The following VPS13A variants were observed in gnomAD, a reference collection of about 807,000 sequenced individuals.
VPS13A encodes the protein intermembrane lipid transfer protein VPS13A.
VPS13A carries 264 observed loss-of-function variants against 390.9 expected under a neutral mutation model. The ratio of observed to expected loss-of-function variants is 0.68; its 90% CI spans 0.61 to 0.75. The LOEUF is 0.75. Ranked by LOEUF, VPS13A falls within the 30% of genes least tolerant of loss-of-function variation. The pLI, the probability that VPS13A is intolerant of heterozygous loss-of-function variation, is 0.00. For synonymous variants in VPS13A, 1,231 were observed against 1,227.1 expected, an observed-to-expected ratio of 1.00 and a Z score of -0.07; for missense variants, 3,409 against 3,733.9, an observed-to-expected ratio of 0.91 and a Z score of 2.27.
intron 52 of VPS13A, among the ~76,000 whole-genome samples, chr9:77,348,682 G>T (rs546996484): frequency 6.6e-6 from 1 of 151,102 alleles, no homozygotes; most frequent in Non-Finnish European, 1.5e-5. Flanking sequence ...CTTAATCTAT[G>T]TACCCCAGTT....
chr9:77,361,764 C>A lies in VPS13A; in HGVS notation c.8211+1123C>A, dbSNP rs566981261. 3.3e-5 allele frequency among the ~76,000 whole-genome samples: 5 copies of A among 152,118 alleles called. No homozygotes were observed. The East Asian group carries it at 9.7e-4, about 29-fold the overall frequency. On this transcript the variant is annotated intron_variant, in intron 59 of 71. Transcript: ENST00000360280. ...TGCCTCCACCATTTTACATTCTTAC[C>A]AGAGCATATGAGGGCTCTGATTTTT...
In VPS13A at chr9:77,407,697, T is replaced by A; in HGVS notation, c.9474+90T>A. ...TTTTTTAATGCAGATAAGTTTTGTT[T>A]GGGGGTTTTTGTTTGTTTGTTTTGC... On this transcript the variant is annotated intron_variant, in intron 71 of 71. Coordinates refer to ENST00000360280, the MANE Select transcript of VPS13A (RefSeq NM_033305.3). The A allele has an allele frequency of 7.7e-6, 8 of 1,036,022 alleles. No homozygotes were observed. The South Asian group carries it at 9.8e-5, about 13-fold the overall frequency. 64.2% of individuals were successfully genotyped at this position (1,036,022 alleles called of 1,614,324 possible). A position where few individuals can be genotyped will look rare whatever the true frequency, so the allele number is the denominator to read the frequency against.
intron 67 of VPS13A, among the ~76,000 whole-genome samples, chr9:77,377,363 G>A (rs1208517151): frequency 3.3e-5 from 5 of 151,666 alleles, no homozygotes; most frequent in African/African-American, 7.3e-5. Context: ...GGGACTACAG[G>A]CGCCCGCCAC....
rs1823706926 is a variant in VPS13A at position 77,177,575 on chromosome 9, C to T, written c.-130C>T. The stretch of plus-strand genomic sequence containing the variant: ...GGGCTCGCTAGGGCTGCGCGTTGGG[C>T]CAGCGGGGGCGCCGCAGCTGAAGCC... On this transcript the variant is annotated 5_prime_UTR_variant, in exon 1 of 72. Coordinates refer to ENST00000360280, the MANE Select transcript of VPS13A (RefSeq NM_033305.3). The T allele has an allele frequency of 4.3e-5, 35 of 812,100 alleles. No homozygotes were observed. The South Asian group carries it at 5.1e-4, about 12-fold the overall frequency. 50.3% of individuals were successfully genotyped at this position (812,100 alleles called of 1,614,324 possible).
chr9:77,331,632 C>A (rs1830280063), intron 45 of VPS13A, among the ~76,000 whole-genome samples: 1 of 151,776 alleles, frequency 6.6e-6, no homozygotes, highest in Non-Finnish European at 1.5e-5. Context: ...TATTTCCCAG[C>A]CTGTAGATTG....
Position 77,198,763 on chromosome 9 carries a change from A to C in VPS13A, c.101-1182A>C, listed in dbSNP as rs549776586. Among the ~76,000 whole-genome samples, 18 of 152,098 alleles carry C rather than the reference A, an allele frequency of 1.2e-4. No individual in the cohort carries two copies. The South Asian group carries it at 3.5e-3, about 30-fold the overall frequency. Reference sequence around the variant, plus strand: ...ACTGCAACCTCCGCCTCCTGGGTTCAAGCAATTCTCCTGCCTTAGTCTCCC... The same window carrying C: ...ACTGCAACCTCCGCCTCCTGGGTTCCAGCAATTCTCCTGCCTTAGTCTCCC... On this transcript the variant is annotated intron_variant, in intron 1 of 71. Coordinates refer to ENST00000360280, the MANE Select transcript of VPS13A (RefSeq NM_033305.3).
chr9:77,209,450 CTT>C lies in VPS13A; in HGVS notation c.416_417del (p.Phe139CysfsTer24). 6.2e-7 allele frequency: 1 copy of C among 1,612,636 alleles called. No individual in the cohort carries two copies. The highest frequency in any genetic ancestry group is 8.5e-7 in the Non-Finnish European group (1 of 1,179,210). On this transcript the variant is annotated frameshift_variant, in exon 6 of 72. Coordinates refer to ENST00000360280, the MANE Select transcript of VPS13A (RefSeq NM_033305.3). LOFTEE classifies it high-confidence loss of function. ...CAACATCTGCCGGAAAAACAGGACACTTTTGCAGAAAAATTAGTTACACAGAT... is the reference window on the plus strand; with the variant it reads ...CAACATCTGCCGGAAAAACAGGACACTTGCAGAAAAATTAGTTACACAGAT...
rs1829760477 is a variant in VPS13A at position 77,321,737 on chromosome 9, A to T, written c.5821A>T (p.Ile1941Phe). ...MTSLSSKLFF[I>F]LLTPVNHSTA... ...CAGCCTAAGCAGCAAACTCTTCTTC[A>T]TTCTTCTTAGTAAGTAGTTGAAAAA... is the stretch of plus-strand genomic sequence containing the variant. Residue 1941 changes from isoleucine to phenylalanine, a missense_variant, in exon 44 of 72, where the codon ATT becomes TTT. Transcript: ENST00000360280. The T allele has an allele frequency of 6.2e-7, 1 of 1,613,114 alleles. No homozygotes were observed.
At chr9:77,305,520 G>A (rs1327748188) in intron 34 of VPS13A, 2 of 158,728 alleles carry the variant, frequency 1.3e-5, no homozygotes. Context: ...TATTTGTGTG[G>A]GGCAGCAAAG....
rs149578021 is a variant in VPS13A at position 77,277,455 on chromosome 9, T to G, written c.2824+1234T>G. Among the ~76,000 whole-genome samples the G allele has an allele frequency of 1.3e-4, 20 of 152,298 alleles. No individual in the cohort carries two copies. In the East Asian group the frequency reaches 3.7e-3, roughly 28 times the overall value. On this transcript the variant is annotated intron_variant, in intron 26 of 71. Transcript: ENST00000360280. ...ATCGTAATTACCAAGAGTCCACAATTTACATTAAGGTTCACTGTTGCTGTT... is the reference window on the plus strand; with the variant it reads ...ATCGTAATTACCAAGAGTCCACAATGTACATTAAGGTTCACTGTTGCTGTT...
intron 10 of VPS13A, among the ~76,000 whole-genome samples, chr9:77,215,870 GTC>G (rs905724893): frequency 5.9e-5 from 9 of 152,342 alleles, no homozygotes; most frequent in Admixed American, 3.9e-4. Flanking sequence ...ATGGAGGGGT[GTC>G]TCTCTGAATG....
At chr9:77,290,050 G>C (rs1827557963) in intron 31 of VPS13A, among the ~76,000 whole-genome samples, 1 of 152,066 alleles carries the variant, frequency 6.6e-6, no homozygotes, top group Non-Finnish European at 1.5e-5. Context: ...CCAGAGTGCT[G>C]GGATTACAGG....
intron 59 of VPS13A, among the ~76,000 whole-genome samples, chr9:77,363,406 T>A (rs1242109388): frequency 3.0e-4 from 26 of 85,374 alleles, no homozygotes; most frequent in African/African-American, 2.8e-3. Context: ...TTTTTTTTAT[T>A]TTTTTTTTTT....
At chr9:77,357,276 C>T (rs1587651189) in intron 55 of VPS13A, among the ~76,000 whole-genome samples, 1 of 146,250 alleles carries the variant, frequency 6.8e-6, no homozygotes, top group African/African-American at 2.6e-5. Flanking sequence ...CCAAGATGGC[C>T]CCACTGCGCT....
At position 77,365,564 on chromosome 9, in the gene VPS13A, T is replaced by C. The variant is rs1342558043; in HGVS notation, c.8316T>C (p.Ser2772=). 2 of 1,601,552 alleles carry C rather than the reference T, an allele frequency of 1.2e-6. No individual in the cohort carries two copies. The highest frequency in any genetic ancestry group is 1.7e-6 in the Non-Finnish European group (2 of 1,169,314). Reference sequence around the variant, plus strand: ...GCCTCTATGAATATTTTCATATATCTCCTATCAAGGTAGGAGAAAGTCATT... The same window carrying C: ...GCCTCTATGAATATTTTCATATATCCCCTATCAAGGTAGGAGAAAGTCATT... ...QVSLYEYFHI[S]PIKLHLSVSL... is the part of the protein sequence containing the mutation. The change falls in exon 60 of 72, where the codon TCT becomes TCC. Residue 2772 remains serine, a synonymous_variant. Coordinates refer to ENST00000360280, the MANE Select transcript of VPS13A (RefSeq NM_033305.3).
At chr9:77,324,895 G>T (rs1355404168) in intron 45 of VPS13A, among the ~76,000 whole-genome samples, 13 of 151,614 alleles carry the variant, frequency 8.6e-5, no homozygotes. Flanking sequence ...TAAAGCAGCA[G>T]TACCCAACCT....
At chr9:77,205,205 A>G in intron 3 of VPS13A, 108 bp from the exon 4 acceptor site, 1 of 469,718 alleles carries the variant, frequency 2.1e-6, no homozygotes, top group African/African-American at 2.3e-5. Flanking sequence ...TTAAGGACAA[A>G]GGCCACTTTA....
intron 55 of VPS13A, among the ~76,000 whole-genome samples, chr9:77,357,466 A>T (rs1831873899): frequency 1.4e-5 from 2 of 147,862 alleles, no homozygotes; most frequent in Admixed American, 1.4e-4. Flanking sequence ...TCCTTTATTC[A>T]TTTTTATTGT....
chr9:77,421,277 G>C lies in VPS13A; in HGVS notation c.*5271G>C, dbSNP rs1835330804. The C allele has an allele frequency of 6.6e-6, 1 of 152,160 alleles. No individual in the cohort carries two copies. Among genetic ancestry groups the C allele is most frequent in the Non-Finnish European group, 1.5e-5 (1 of 68,040 alleles). 9.4% of individuals were successfully genotyped at this position (152,160 alleles called of 1,614,324 possible). On this transcript the variant is annotated 3_prime_UTR_variant, in exon 72 of 72. Transcript: ENST00000360280. ...CCCTCTTTTATGTGTGCTTGGCTCAGTTGCCTGTTACACAGCCTCTGCCTT... is the reference window on the plus strand; with the variant it reads ...CCCTCTTTTATGTGTGCTTGGCTCACTTGCCTGTTACACAGCCTCTGCCTT...
Sources: allele counts gnomAD v4.1 joint callset (sites outside exome capture counted in the v4.1 genomes callset), GRCh38; gene constraint gnomAD v4.1.1; transcripts MANE v1.5; gene names NCBI Gene and HGNC (gene_info 2026-07-23, HGNC 2026-07-21).